GIPC3: variants seen among roughly 807,000 people sequenced by gnomAD.
GIPC3 encodes GIPC PDZ domain containing family member 3, also known as PDZ domain-containing protein GIPC3.
In GIPC3, 16 loss-of-function variants were observed where a neutral mutation model predicts 27.3. The observed-to-expected ratio is 0.59, with a 90% CI of 0.40 to 0.89. The LOEUF (loss-of-function observed/expected upper bound fraction) is 0.89. GIPC3 is among the 40% of genes least tolerant of loss of function. The pLI is 0.00. For synonymous variants in GIPC3, 194 were observed against 184.6 expected (o/e 1.05, Z -0.41); for missense variants, 440 against 442.1 (o/e 1.00, Z 0.04).
At position 3,585,811 on chromosome 19, in the gene GIPC3, G is replaced by A. The variant is rs528823465; in HGVS notation, c.214G>A (p.Ala72Thr). The change falls in exon 1 of 6, where the codon GCG (alanine) becomes ACG (threonine). Residue 72 changes from alanine to threonine, a missense_variant. By Grantham distance (58) the Ala-to-Thr change is moderately conservative. Coordinates refer to ENST00000644452, the MANE Select transcript of GIPC3 (RefSeq NM_133261.3). Reference protein sequence around the residue: ...YAKIAEAFGIAPTEILFCTLN... With the variant: ...YAKIAEAFGITPTEILFCTLN... ...CAAGATCGCCGAAGCCTTCGGGATC[G>A]CGCCCACCGAGGTAAGGAGCCCGGA... 3 of 1,545,216 alleles carry A rather than the reference G, an allele frequency of 1.9e-6. No homozygotes were observed. In the Admixed American group the frequency reaches 5.9e-5, roughly 30 times the overall value.
At chr19:3,587,695 C>CTTTTTTTTTTTCTT (rs2032401098) in intron 3 of GIPC3, among the ~76,000 whole-genome samples, 4 of 131,208 alleles carry the variant, frequency 3.0e-5, no homozygotes, top group Non-Finnish European at 6.5e-5. Flanking sequence ...CTTTTCTTTT[C>CTTTTTTTTTTTCTT]TTTTTTTTTT....
At position 3,586,820 on chromosome 19, in the gene GIPC3, A is replaced by G; in HGVS notation, c.418A>G (p.Lys140Glu). ...CGACGCTGGATCCCTGCAGAGAATC[A>G]AGGAAGGCAGTATCATCAACCGGAT... ...GAGYAFIKRI[K>E]EGSIINRIEA... Residue 140 changes from lysine (K) to glutamate (E), a missense_variant, in exon 3 of 6, where the codon AAG becomes GAG. By Grantham distance (56) the Lys-to-Glu change is moderately conservative (BLOSUM62 1). Transcript: ENST00000644452. 1 of 1,613,522 alleles carries G rather than the reference A, an allele frequency of 6.2e-7. No homozygotes were observed.
rs1177131478 is a variant in GIPC3, at chr19:3,586,802, G to A, written c.412-12G>A. On this transcript the variant is annotated splice_polypyrimidine_tract_variant and intron_variant, in intron 2 of 5. Transcript: ENST00000644452. ...CTGGGGTTGCCCTGCCAGCGACGCT[G>A]GATCCCTGCAGAGAATCAAGGAAGG... is the stretch of plus-strand genomic sequence containing the variant. 3.1e-6 allele frequency: 5 copies of A among 1,613,170 alleles called. No individual in the cohort carries two copies. In the African/African-American group the frequency reaches 6.7e-5, roughly 22 times the overall value.
At chr19:3,586,142 T>C (rs2032359010) in intron 1 of GIPC3, among the ~76,000 whole-genome samples, 1 of 152,182 alleles carries the variant, frequency 6.6e-6, no homozygotes, top group African/African-American at 2.4e-5. Context: ...TGGGCGTAGC[T>C]GGGGTCTGGG....
At position 3,589,955 on chromosome 19, in the gene GIPC3, G is replaced by A. The variant is rs114801367; in HGVS notation, c.787+43G>A. On this transcript the variant is annotated intron_variant, in intron 5 of 5. Transcript: ENST00000644452. Reference sequence around the variant, plus strand: ...GCCAGGGGGCCCTGGGGGGAGGGAAGCCTACGGGAGGAGGCAGGGGTCCCA... The same window carrying A: ...GCCAGGGGGCCCTGGGGGGAGGGAAACCTACGGGAGGAGGCAGGGGTCCCA... 3,112 of 1,613,442 alleles carry A rather than the reference G, an allele frequency of 1.9e-3. 53 individuals carry two copies. In the African/African-American group the frequency reaches 0.036, roughly 19 times the overall value.
In GIPC3 at chr19:3,589,945, G is replaced by A. The variant is rs763530294; in HGVS notation, c.787+33G>A. ...GCCAGGGTAAGCCAGGGGGCCCTGG[G>A]GGGAGGGAAGCCTACGGGAGGAGGC... On this transcript the variant is annotated intron_variant, in intron 5 of 5. Coordinates refer to ENST00000644452, the MANE Select transcript of GIPC3 (RefSeq NM_133261.3). 1.2e-5 allele frequency: 20 copies of A among 1,613,570 alleles called. No homozygotes were observed. The Admixed American group carries it at 3.0e-4, about 24-fold the overall frequency.
intron 3 of GIPC3, among the ~76,000 whole-genome samples, chr19:3,587,374 C>T (rs951164109): frequency 2.0e-5 from 3 of 152,108 alleles, no homozygotes; most frequent in Non-Finnish European, 4.4e-5. Context: ...CTCCACCTCC[C>T]GGGTTCAAGC....
In GIPC3 at chr19:3,589,547, G is replaced by C; in HGVS notation, c.697G>C (p.Glu233Gln). ...RLRSGGAATV[E>Q]EAPSEFEEEA... Reference sequence around the variant, plus strand: ...TCGTTCTGGGGGGGCTGCCACAGTGGAGGAAGCGGTGAGTGAAGGGGAGGG... The same window carrying C: ...TCGTTCTGGGGGGGCTGCCACAGTGCAGGAAGCGGTGAGTGAAGGGGAGGG... Residue 233 changes from glutamate (E) to glutamine (Q), a missense_variant, in exon 4 of 6, where the codon GAG (glutamate) becomes CAG (glutamine). Transcript: ENST00000644452. 6.2e-7 allele frequency: 1 copy of C among 1,613,284 alleles called. No homozygotes were observed. The highest frequency in any genetic ancestry group is 8.5e-7 in the Non-Finnish European group (1 of 1,179,392).
In GIPC3 at chr19:3,591,224, C is replaced by T; in HGVS notation, c.*1034C>T. The T allele has an allele frequency of 8.1e-7, 1 of 1,232,964 alleles. No individual in the cohort carries two copies. Among genetic ancestry groups the T allele is most frequent in the Non-Finnish European group, 1.0e-6 (1 of 988,602 alleles). The allele number at this position is 1,232,964 out of a possible 1,614,324, so 76.4% of individuals were successfully genotyped here. A position where few individuals can be genotyped will look rare whatever the true frequency, so the allele number is the denominator to read the frequency against. On this transcript the variant is annotated 3_prime_UTR_variant, in exon 6 of 6. Coordinates refer to ENST00000644452, the MANE Select transcript of GIPC3 (RefSeq NM_133261.3). The stretch of plus-strand genomic sequence containing the variant: ...AGGCCACCTCTGAGGCCAAACCCAG[C>T]TCTAGAACCCAGATAAGATCTGAGA...
chr19:3,593,054 C>T lies in GIPC3; in HGVS notation c.*2864C>T. ...GCCCCATCCCAGGCTTACCCCAAGC[C>T]TCCTACCTGGCCCCACAGTCACAGG... On this transcript the variant is annotated 3_prime_UTR_variant, in exon 6 of 6. Transcript: ENST00000644452. 1 of 1,232,514 alleles carries T rather than the reference C, an allele frequency of 8.1e-7. No homozygotes were observed. Among genetic ancestry groups the T allele is most frequent in the Non-Finnish European group, 1.0e-6 (1 of 988,338 alleles). 76.3% of individuals were successfully genotyped at this position (1,232,514 alleles called of 1,614,324 possible). A position where few individuals can be genotyped will look rare whatever the true frequency, so the allele number is the denominator to read the frequency against.
intron 3 of GIPC3, 27 bp from the exon 4 acceptor site, chr19:3,589,416 G>A: frequency 6.5e-7 from 1 of 1,548,034 alleles, no homozygotes; most frequent in African/African-American, 1.4e-5. Flanking sequence ...CAGAACCCAT[G>A]GCCATCCCTC....
Position 3,592,380 on chromosome 19 carries a change from A to G in GIPC3, c.*2190A>G. The G allele has an allele frequency of 8.1e-7, 1 of 1,232,020 alleles. No homozygotes were observed. The highest frequency in any genetic ancestry group is 1.0e-6 in the Non-Finnish European group (1 of 987,926). 76.3% of individuals were successfully genotyped at this position (1,232,020 alleles called of 1,614,324 possible). On this transcript the variant is annotated 3_prime_UTR_variant, in exon 6 of 6. Transcript: ENST00000644452. Reference sequence around the variant, plus strand: ...CAGCTCTGGGACCCAGATAAGCTCAAGAATTCAAGCCAGCTCTGGAAGTCA... The same window carrying G: ...CAGCTCTGGGACCCAGATAAGCTCAGGAATTCAAGCCAGCTCTGGAAGTCA...
Position 3,585,574 on chromosome 19 carries a change from G to C in GIPC3, c.-24G>C, listed in dbSNP as rs2032346732. The C allele has an allele frequency of 4.4e-6, 5 of 1,146,696 alleles. No individual in the cohort carries two copies. The highest frequency in any genetic ancestry group is 1.6e-5 in the African/African-American group (1 of 61,266). The allele number at this position is 1,146,696 out of a possible 1,614,324, so 71.0% of individuals were successfully genotyped here. On this transcript the variant is annotated 5_prime_UTR_variant, in exon 1 of 6. Transcript: ENST00000644452. ...TCCGGCGGCGGCGGCGAGGGCCCGGGTGGGTGGCCGAACTTCTCCCGCCAT... is the reference window on the plus strand; with the variant it reads ...TCCGGCGGCGGCGGCGAGGGCCCGGCTGGGTGGCCGAACTTCTCCCGCCAT...
In GIPC3 at chr19:3,586,599, C is replaced by G. The variant is rs1430757756; in HGVS notation, c.330C>G (p.Thr110=). The G allele has an allele frequency of 1.9e-6, 3 of 1,612,054 alleles. No individual in the cohort carries two copies. The highest frequency in any genetic ancestry group is 2.5e-6 in the Non-Finnish European group (3 of 1,179,586). Residue 110 remains threonine, a synonymous_variant, in exon 2 of 6, where the codon ACC becomes ACG. Transcript: ENST00000644452. ...DFIFAHVRGE[T]KEVEVTKTED... ...TCTTTGCCCACGTGCGAGGCGAGAC[C>G]AAGGAGGTGGAGGTCACTAAGACAG...
At chr19:3,588,402 T>G (rs1027350620) in intron 3 of GIPC3, among the ~76,000 whole-genome samples, 3 of 152,046 alleles carry the variant, frequency 2.0e-5, no homozygotes, top group African/African-American at 7.2e-5. Flanking sequence ...GCCCTTTGGA[T>G]AGCGTTGTTC....
intron 1 of GIPC3, 46 bp downstream of exon 1, chr19:3,585,868 G>T (rs1196057274): frequency 1.3e-6 from 2 of 1,525,658 alleles, no homozygotes; most frequent in Admixed American, 4.0e-5. Context: ...GCCTGATGGG[G>T]TGAGGGGTAG....
chr19:3,586,289 G>C (rs1433271299), intron 1 of GIPC3, among the ~76,000 whole-genome samples: 1 of 152,058 alleles, frequency 6.6e-6, no homozygotes, highest in Non-Finnish European at 1.5e-5. Flanking sequence ...GGAGGTCTGG[G>C]GGCTGGAGGT....
chr19:3,589,684 A>C, intron 4 of GIPC3, 129 bp downstream of exon 4: 2 of 1,116,184 alleles, frequency 1.8e-6, no homozygotes, highest in Non-Finnish European at 2.7e-6. Context: ...GTCCTCATTG[A>C]AAAGTGGGGC....
Position 3,592,779 on chromosome 19 carries a change from AC to A in GIPC3, c.*2592del. 8.1e-7 allele frequency: 1 copy of A among 1,232,078 alleles called. No individual in the cohort carries two copies. Among genetic ancestry groups the A allele is most frequent in the Non-Finnish European group, 1.0e-6 (1 of 988,008 alleles). The allele number at this position is 1,232,078 out of a possible 1,614,324, so 76.3% of individuals were successfully genotyped here. ...CCCTGGAGCCCACCTTAGTTCTGGA[AC>A]CCAGCCTGTTTCTGGAACCCAATCC... On this transcript the variant is annotated 3_prime_UTR_variant, in exon 6 of 6. Coordinates refer to ENST00000644452, the MANE Select transcript of GIPC3 (RefSeq NM_133261.3).
Sources: gnomAD v4.1 joint callset for allele counts (sites outside exome capture counted in the v4.1 genomes callset) on GRCh38, gnomAD v4.1.1 for gene constraint, MANE v1.5 for transcripts, NCBI Gene and HGNC (gene_info 2026-07-23, HGNC 2026-07-21) for gene names.